The following ROBO2 variants were observed in gnomAD, a reference collection of about 807,000 sequenced individuals.
ROBO2 encodes roundabout homolog 2.
In ROBO2, 53 loss-of-function variants were observed where a neutral mutation model predicts 160.8. The ratio of observed to expected loss-of-function variants is 0.33; its 90% CI spans 0.26 to 0.41. The LOEUF (loss-of-function observed/expected upper bound fraction) is 0.41, where lower values mean the gene tolerates loss of function less well. Among genes scored for constraint, ROBO2 ranks in the 10% least tolerant of loss-of-function variants. The pLI, the probability that ROBO2 is intolerant of heterozygous loss-of-function variation, is 1.00. For synonymous variants in ROBO2, 664 were observed against 611.7 expected (o/e 1.09, Z -1.26); for missense variants, 1,577 against 1,722.4 (o/e 0.92, Z 1.49).
intron 2 of ROBO2, among the ~76,000 whole-genome samples, chr3:75,961,865 G>A (rs1198674953): frequency 6.6e-6 from 1 of 151,006 alleles, no homozygotes; most frequent in East Asian, 2.0e-4. Flanking sequence ...AAAGAAATAT[G>A]TCAGCAAAAA....
chr3:76,352,346 T>C (rs2074927986), intron 2 of ROBO2, among the ~76,000 whole-genome samples: 1 of 151,958 alleles, frequency 6.6e-6, no homozygotes, highest in Non-Finnish European at 1.5e-5. Flanking sequence ...TTCCTACTGG[T>C]TTTCCTCCAC....
chr3:76,510,549 T>A (rs1254438905), intron 2 of ROBO2, among the ~76,000 whole-genome samples: 1 of 151,884 alleles, frequency 6.6e-6, no homozygotes, highest in Non-Finnish European at 1.5e-5. Context: ...CATGGCAAAA[T>A]CCCATCTCTA....
intron 2 of ROBO2, among the ~76,000 whole-genome samples, chr3:76,655,387 A>T (rs1279552623): frequency 2.5e-5 from 3 of 120,522 alleles, no homozygotes; most frequent in Non-Finnish European, 3.5e-5. Context: ...AATTTCAAAA[A>T]AAAAACTATT....
At chr3:76,454,508 G>A (rs183072151) in intron 2 of ROBO2, among the ~76,000 whole-genome samples, 2 of 152,174 alleles carry the variant, frequency 1.3e-5, no homozygotes, top group Admixed American at 1.3e-4. Context: ...AGAGTATGGT[G>A]GTTAGAACGT....
At chr3:76,064,105 A>T (rs1182891538) in intron 2 of ROBO2, among the ~76,000 whole-genome samples, 1 of 152,016 alleles carries the variant, frequency 6.6e-6, no homozygotes, top group East Asian at 1.9e-4. Flanking sequence ...CTGGAAAAAG[A>T]CCTCCAAGTT....
rs760103742 is a variant in ROBO2, at chr3:77,588,654, C to G, written c.2501-97C>G. The G allele has an allele frequency of 1.5e-4, 170 of 1,133,154 alleles. 1 individual carries two copies. The highest frequency in any genetic ancestry group is 2.3e-5 in the Non-Finnish European group (18 of 775,632). 70.2% of individuals were successfully genotyped at this position (1,133,154 alleles called of 1,614,324 possible). A position where few individuals can be genotyped will look rare whatever the true frequency, so the allele number is the denominator to read the frequency against. On this transcript the variant is annotated intron_variant, in intron 16 of 25. Coordinates refer to ENST00000461745, the Ensembl canonical transcript of ROBO2. ...CTCAAAACTAAACAAGCATTTCCTG[C>G]CTTCAAATAATTTTTCTTCATTTTT...
intron 2 of ROBO2, among the ~76,000 whole-genome samples, chr3:77,027,205 G>A (rs1001634332): frequency 1.3e-5 from 2 of 152,142 alleles, no homozygotes; most frequent in Non-Finnish European, 2.9e-5. Flanking sequence ...AAACAATAAT[G>A]TTAATAATCC....
intron 1 of ROBO2, among the ~76,000 whole-genome samples, chr3:77,066,260 A>G (rs2066828458): frequency 6.6e-6 from 1 of 152,178 alleles, no homozygotes; most frequent in African/African-American, 2.4e-5. Context: ...ATTCAATTAT[A>G]TTGAGAAAAA....
At chr3:77,419,309 C>T (rs574070071) in intron 2 of ROBO2, among the ~76,000 whole-genome samples, 6 of 152,058 alleles carry the variant, frequency 3.9e-5, no homozygotes, top group East Asian at 1.9e-4. Context: ...CATAGTTAAG[C>T]GTTTCACATG....
At chr3:77,105,701 T>C (rs959694417) in intron 2 of ROBO2, among the ~76,000 whole-genome samples, 2 of 152,218 alleles carry the variant, frequency 1.3e-5, no homozygotes, top group Non-Finnish European at 2.9e-5. Flanking sequence ...ATTAACTGTA[T>C]TCAAACTCTC....
chr3:76,838,391 TA>T (rs1023883839), intron 2 of ROBO2, among the ~76,000 whole-genome samples: 8 of 152,044 alleles, frequency 5.3e-5, no homozygotes, highest in Non-Finnish European at 1.2e-4. Context: ...ATAAAGGCTT[TA>T]AAAAAAGAAA....
At chr3:76,645,883 T>C (rs1303204098) in intron 2 of ROBO2, among the ~76,000 whole-genome samples, 1 of 152,150 alleles carries the variant, frequency 6.6e-6, no homozygotes, top group Non-Finnish European at 1.5e-5. Context: ...TATTCACAAG[T>C]CATGTATTGT....
At chr3:76,425,322 C>T (rs576585241) in intron 2 of ROBO2, among the ~76,000 whole-genome samples, 6 of 151,886 alleles carry the variant, frequency 4.0e-5, no homozygotes, top group Non-Finnish European at 7.4e-5. Flanking sequence ...AGTTATTCAT[C>T]GTGTATCTGA....
chr3:76,399,860 A>G (rs1005918246), intron 2 of ROBO2, among the ~76,000 whole-genome samples: 7 of 151,802 alleles, frequency 4.6e-5, no homozygotes, highest in Non-Finnish European at 5.9e-5. Context: ...AACTAGGCTC[A>G]TAGTATTATA....
chr3:77,175,149 C>A (rs1463029588), intron 2 of ROBO2, among the ~76,000 whole-genome samples: 1 of 152,020 alleles, frequency 6.6e-6, no homozygotes, highest in Admixed American at 6.6e-5. Flanking sequence ...AAAGATTAAA[C>A]AACCTACCTG....
chr3:76,244,536 T>C (rs1004086089), intron 2 of ROBO2, among the ~76,000 whole-genome samples: 1 of 152,188 alleles, frequency 6.6e-6, no homozygotes, highest in Non-Finnish European at 1.5e-5. Context: ...TCCTGGGCAG[T>C]TCAGGCTTAT....
At chr3:77,159,733 C>T (rs1356662611) in intron 2 of ROBO2, among the ~76,000 whole-genome samples, 1 of 152,012 alleles carries the variant, frequency 6.6e-6, no homozygotes, top group Non-Finnish European at 1.5e-5. Context: ...CAGGGTAGCT[C>T]ATATAAACAT....
intron 2 of ROBO2, among the ~76,000 whole-genome samples, chr3:77,425,089 G>T (rs930636430): frequency 6.6e-6 from 1 of 151,866 alleles, no homozygotes; most frequent in African/African-American, 2.4e-5. Context: ...AAGGCAAATT[G>T]GTAAATATTT....
chr3:76,977,398 G>T (rs117908457), intron 2 of ROBO2, among the ~76,000 whole-genome samples: 1 of 152,262 alleles, frequency 6.6e-6, no homozygotes, highest in East Asian at 1.9e-4. Context: ...TCTTTAAAAG[G>T]TTATAAATAA....
Sources: gnomAD v4.1 joint callset for allele counts (sites outside exome capture counted in the v4.1 genomes callset) on GRCh38, gnomAD v4.1.1 for gene constraint, MANE v1.5 for transcripts, NCBI Gene and HGNC (gene_info 2026-07-23, HGNC 2026-07-21) for gene names.